LDLRAD3: variants seen among roughly 807,000 people sequenced by gnomAD.
The protein encoded by LDLRAD3 is low density lipoprotein receptor class A domain containing 3.
LDLRAD3 carries 20 observed loss-of-function variants against 29.4 expected under a neutral mutation model. That is an observed-to-expected ratio of 0.68 (90% CI 0.48 to 0.99). The LOEUF is 0.99. Ranked by LOEUF, LDLRAD3 falls within the 50% of genes least tolerant of loss-of-function variation. The pLI, the probability that LDLRAD3 is intolerant of heterozygous loss-of-function variation, is 0.00. For missense variants in LDLRAD3, 420 were observed against 454.3 expected (o/e 0.92, Z 0.69); for synonymous variants, 157 against 192.7 (o/e 0.81, Z 1.53).
chr11:36,198,815 T>C (rs1855073119), intron 4 of LDLRAD3, among the ~76,000 whole-genome samples: 1 of 152,242 alleles, frequency 6.6e-6, no homozygotes, highest in Admixed American at 6.5e-5. Context: ...GTGATCAACA[T>C]CAACATTTAT....
intron 4 of LDLRAD3, among the ~76,000 whole-genome samples, chr11:36,185,140 A>T (rs1046589468): frequency 6.6e-6 from 1 of 152,190 alleles, no homozygotes; most frequent in African/African-American, 2.4e-5. Flanking sequence ...TTATAGAACC[A>T]TTCCTCTGTT....
intron 4 of LDLRAD3, among the ~76,000 whole-genome samples, chr11:36,107,897 G>T (rs1339741457): frequency 1.3e-5 from 2 of 152,162 alleles, no homozygotes; most frequent in Admixed American, 6.5e-5. Flanking sequence ...GGAGACAAAG[G>T]CACGTACCAA....
intron 2 of LDLRAD3, 114 bp downstream of exon 2, chr11:36,036,363 T>A: frequency 8.3e-7 from 1 of 1,203,734 alleles, no homozygotes; most frequent in East Asian, 2.4e-5. Context: ...GCTGGTGGTT[T>A]TGTGCCTCTT....
chr11:36,131,342 C>T (rs752105960), intron 4 of LDLRAD3, among the ~76,000 whole-genome samples: 44 of 152,288 alleles, frequency 2.9e-4, no homozygotes, highest in African/African-American at 8.2e-4. Flanking sequence ...TAACCTGCTT[C>T]GGAGCCTTCT....
chr11:35,977,786 T>A (rs1022239772), intron 1 of LDLRAD3, among the ~76,000 whole-genome samples: 10 of 152,134 alleles, frequency 6.6e-5, no homozygotes, highest in Admixed American at 5.9e-4. Flanking sequence ...GGTCCTCACA[T>A]GGTGGGAGGG....
At chr11:36,015,558 A>T (rs1852011843) in intron 1 of LDLRAD3, among the ~76,000 whole-genome samples, 1 of 152,060 alleles carries the variant, frequency 6.6e-6, no homozygotes, top group African/African-American at 2.4e-5. Flanking sequence ...GAGCTCTATG[A>T]ATTTCCATGA....
chr11:36,046,611 A>G (rs569422428), intron 2 of LDLRAD3, among the ~76,000 whole-genome samples: 1 of 152,214 alleles, frequency 6.6e-6, no homozygotes, highest in South Asian at 2.1e-4. Flanking sequence ...CAAAGACCCA[A>G]TTTCCAAATA....
intron 4 of LDLRAD3, among the ~76,000 whole-genome samples, chr11:36,178,379 A>T (rs1202607356): frequency 6.6e-6 from 1 of 151,934 alleles, no homozygotes. Context: ...AACCTGCCAC[A>T]CTTCTTTGAC....
intron 4 of LDLRAD3, among the ~76,000 whole-genome samples, chr11:36,164,707 C>A (rs981626964): frequency 1.3e-5 from 2 of 152,248 alleles, no homozygotes; most frequent in African/African-American, 4.8e-5. Flanking sequence ...TTAAAGCTGA[C>A]AGCTCTGACT....
chr11:36,217,490 A>G (rs1239844242), intron 4 of LDLRAD3, among the ~76,000 whole-genome samples: 1 of 152,192 alleles, frequency 6.6e-6, no homozygotes, highest in Non-Finnish European at 1.5e-5. Context: ...GCTATTAATA[A>G]TTCCTCAGGT....
intron 2 of LDLRAD3, among the ~76,000 whole-genome samples, chr11:36,040,107 C>G (rs1046398696): frequency 1.6e-4 from 25 of 152,084 alleles, no homozygotes; most frequent in Admixed American, 1.5e-3. Flanking sequence ...GTGTTCTCGC[C>G]TCGGAGAGGT....
At chr11:36,083,759 CA>C (rs1565210883) in intron 3 of LDLRAD3, among the ~76,000 whole-genome samples, 5 of 151,400 alleles carry the variant, frequency 3.3e-5, no homozygotes, top group South Asian at 2.1e-4. Context: ...CACACACACA[CA>C]CACACACACA....
Position 36,066,160 on chromosome 11 carries a change from CTTTTTTTTT to C in LDLRAD3, c.194-15487_194-15479del, listed in dbSNP as rs536834475. ...GATTCTTACACTCTTCACTCATTTT[CTTTTTTTTT>C]TTTTTCTTACTTTTTTCTACTGCTT... On this transcript the variant is annotated intron_variant, in intron 2 of 5. Transcript: ENST00000315571. Among the ~76,000 whole-genome samples, 9 of 141,174 alleles carry C rather than the reference CTTTTTTTTT, an allele frequency of 6.4e-5. 1 individual carries two copies. Among genetic ancestry groups the C allele is most frequent in the Non-Finnish European group, 1.4e-4 (9 of 64,370 alleles). The allele number at this position is 141,174 out of a possible 152,430, so 92.6% of individuals were successfully genotyped here. A position where few individuals can be genotyped will look rare whatever the true frequency, so the allele number is the denominator to read the frequency against.
At chr11:36,217,179 C>T (rs2133386015) in intron 4 of LDLRAD3, among the ~76,000 whole-genome samples, 1 of 152,230 alleles carries the variant, frequency 6.6e-6, no homozygotes, top group South Asian at 2.1e-4. Flanking sequence ...GAAATGTTTG[C>T]TTTCCTGTAG....
At chr11:35,966,350 G>A (rs1369840540) in intron 1 of LDLRAD3, among the ~76,000 whole-genome samples, 1 of 152,174 alleles carries the variant, frequency 6.6e-6, no homozygotes, top group African/African-American at 2.4e-5. Context: ...TCTTGAACCC[G>A]GGAGGCGGAG....
At chr11:36,210,813 GT>G (rs1855274883) in intron 4 of LDLRAD3, among the ~76,000 whole-genome samples, 1 of 152,228 alleles carries the variant, frequency 6.6e-6, no homozygotes. Flanking sequence ...TTGAGACCAA[GT>G]TTGCCATTTC....
intron 2 of LDLRAD3, among the ~76,000 whole-genome samples, chr11:36,075,897 G>A (rs548551876): frequency 1.3e-5 from 2 of 152,264 alleles, no homozygotes; most frequent in East Asian, 1.9e-4. Context: ...GGGAACTTCA[G>A]GTTAACTTCT....
intron 1 of LDLRAD3, among the ~76,000 whole-genome samples, chr11:35,956,048 C>T (rs1379492973): frequency 6.6e-6 from 1 of 152,238 alleles, no homozygotes; most frequent in East Asian, 1.9e-4. Flanking sequence ...AGTCTGACAC[C>T]AGTGGCTGCC....
At chr11:36,143,960 G>T (rs368041103) in intron 4 of LDLRAD3, among the ~76,000 whole-genome samples, 5 of 93,336 alleles carry the variant, frequency 5.4e-5, no homozygotes, top group Non-Finnish European at 9.9e-5. Flanking sequence ...CTCTTGCCAC[G>T]GTCTCCCTCT....
Sources: gnomAD v4.1 joint callset for allele counts (sites outside exome capture counted in the v4.1 genomes callset) on GRCh38, gnomAD v4.1.1 for gene constraint, MANE v1.5 for transcripts, NCBI Gene and HGNC (gene_info 2026-07-23, HGNC 2026-07-21) for gene names.